Variants in SIK2 observed in about 807,000 individuals in gnomAD.
SIK2 encodes salt inducible kinase 2.
A neutral mutation model predicts 103.2 loss-of-function variants in SIK2; 29 were observed. The observed-to-expected ratio is 0.28, with a 90% CI of 0.21 to 0.38. The LOEUF is 0.38. Ranked by LOEUF, SIK2 falls within the 10% of genes least tolerant of loss-of-function variation. The pLI, the probability that SIK2 is intolerant of heterozygous loss-of-function variation, is 1.00. For missense variants in SIK2, 879 were observed against 1,171.0 expected (o/e 0.75, Z 3.64); for synonymous variants, 412 against 446.1 (o/e 0.92, Z 0.96).
At chr11:111,630,497 CAA>C (rs143449475) in intron 3 of SIK2, among the ~76,000 whole-genome samples, 26 of 143,802 alleles carry the variant, frequency 1.8e-4, no homozygotes, top group African/African-American at 6.3e-4. Flanking sequence ...TTGTCTCTCT[CAA>C]AAAAAAAAGG....
At chr11:111,685,922 A>G (rs1190528087) in intron 3 of SIK2, among the ~76,000 whole-genome samples, 4 of 152,220 alleles carry the variant, frequency 2.6e-5, no homozygotes, top group East Asian at 3.8e-4. Flanking sequence ...GATGCTTAAT[A>G]TAATAAAAAA....
At chr11:111,695,912 G>T (rs768194625) in intron 4 of SIK2, among the ~76,000 whole-genome samples, 1 of 152,186 alleles carries the variant, frequency 6.6e-6, no homozygotes, top group Admixed American at 6.5e-5. Context: ...ATTTAGTGAT[G>T]ACAGTGATAA....
At chr11:111,691,453 T>C (rs1942939962) in intron 4 of SIK2, among the ~76,000 whole-genome samples, 1 of 152,118 alleles carries the variant, frequency 6.6e-6, no homozygotes, top group Non-Finnish European at 1.5e-5. Context: ...ATTAAAAAAT[T>C]GGCCGAGCTG....
chr11:111,717,919 G>T (rs563934880), intron 9 of SIK2, among the ~76,000 whole-genome samples: 4 of 152,114 alleles, frequency 2.6e-5, no homozygotes, highest in East Asian at 3.8e-4. Flanking sequence ...GGCCTGTTAG[G>T]GGGGCAATGG....
intron 8 of SIK2, among the ~76,000 whole-genome samples, chr11:111,711,527 G>T (rs1591638029): frequency 1.3e-5 from 2 of 152,200 alleles, no homozygotes; most frequent in Admixed American, 1.3e-4. Context: ...TCTATAGTGG[G>T]TTGACTTCAA....
chr11:111,654,861 G>A (rs911135972), intron 3 of SIK2, among the ~76,000 whole-genome samples: 2 of 152,150 alleles, frequency 1.3e-5, no homozygotes, highest in East Asian at 1.9e-4. Context: ...TGGAGAATGT[G>A]ACTATGTTTT....
At position 111,721,847 on chromosome 11, in the gene SIK2, G is replaced by A. The variant is rs1943811431; in HGVS notation, c.1962G>A (p.Gln654=). ...CTCCTCAGGAAGAAGTTTCTCAGCA[G>A]CAGGAAAGCGTCTCCACTCTCCCTG... The part of the protein sequence containing the change: ...SSCPQEEVSQ[Q]QESVSTLPAS... Residue 654 remains glutamine (Q), a synonymous_variant, in exon 13 of 15, where the codon CAG becomes CAA. Transcript: ENST00000304987. 2 of 1,608,550 alleles carry A rather than the reference G, an allele frequency of 1.2e-6. No individual in the cohort carries two copies. The highest frequency in any genetic ancestry group is 2.2e-5 in the South Asian group (2 of 90,270).
intron 4 of SIK2, among the ~76,000 whole-genome samples, chr11:111,691,542 C>T (rs1391382678): frequency 6.6e-6 from 1 of 152,258 alleles, no homozygotes; most frequent in African/African-American, 2.4e-5. Flanking sequence ...CCCACTACAC[C>T]ATTTTGTCAT....
intron 3 of SIK2, among the ~76,000 whole-genome samples, chr11:111,647,367 A>C (rs545538206): frequency 2.0e-5 from 3 of 152,298 alleles, no homozygotes; most frequent in South Asian, 2.1e-4. Flanking sequence ...ATCATCAATC[A>C]GATTTTTTTA....
intron 3 of SIK2, among the ~76,000 whole-genome samples, chr11:111,651,987 T>C (rs1942332902): frequency 6.6e-6 from 1 of 152,206 alleles, no homozygotes; most frequent in African/African-American, 2.4e-5. Flanking sequence ...AAGGAGTCAA[T>C]TCTTTGTACA....
rs528516218 is a variant in SIK2, at chr11:111,718,056, G to A, written c.1267-1719G>A. Among the ~76,000 whole-genome samples, 174 of 152,024 alleles carry A rather than the reference G, an allele frequency of 1.1e-3. 1 individual carries two copies. The highest frequency in any genetic ancestry group is 3.8e-3 in the African/African-American group (159 of 41,482). ...TAACAAACCTGCACATCCTGCACACGTACCCTGGAACTTAAAAATTGAAGA... is the reference window on the plus strand; with the variant it reads ...TAACAAACCTGCACATCCTGCACACATACCCTGGAACTTAAAAATTGAAGA... On this transcript the variant is annotated intron_variant, in intron 9 of 14. Coordinates refer to ENST00000304987, the MANE Select transcript of SIK2 (RefSeq NM_015191.3).
At chr11:111,614,711 T>C (rs1197095740) in intron 1 of SIK2, among the ~76,000 whole-genome samples, 2 of 152,158 alleles carry the variant, frequency 1.3e-5, no homozygotes, top group Non-Finnish European at 2.9e-5. Flanking sequence ...TTAAATCCCA[T>C]GTTGTTCAGG....
In SIK2 at chr11:111,705,256, A is replaced by G; in HGVS notation, c.1101+117A>G. On this transcript the variant is annotated intron_variant, in intron 8 of 14. Coordinates refer to ENST00000304987, the MANE Select transcript of SIK2 (RefSeq NM_015191.3). This position sits in a 1 kb window ranked among gnomAD's most constrained non-coding sequence, Gnocchi z 4.3. Reference sequence around the variant, plus strand: ...ATCCTCTACACTCCGTTTTTCTGTAAAATTTCTGCCTGCCATTCACTAGAT... The same window carrying G: ...ATCCTCTACACTCCGTTTTTCTGTAGAATTTCTGCCTGCCATTCACTAGAT... 2 of 1,122,708 alleles carry G rather than the reference A, an allele frequency of 1.8e-6. No individual in the cohort carries two copies. Among genetic ancestry groups the G allele is most frequent in the Non-Finnish European group, 2.3e-6 (2 of 858,726 alleles). 69.5% of individuals were successfully genotyped at this position (1,122,708 alleles called of 1,614,324 possible).
rs1942883606 is a variant in SIK2 at position 111,688,785 on chromosome 11, G to C, written c.478+623G>C. On this transcript the variant is annotated intron_variant, in intron 4 of 14. Coordinates refer to ENST00000304987, the MANE Select transcript of SIK2 (RefSeq NM_015191.3). This position sits in a 1 kb window ranked among gnomAD's most constrained non-coding sequence, Gnocchi z 4.2. ...TCATTCACTCAATAAATATGTATCAGGTACTGTGCTATGTTAAGTACAATA... is the reference window on the plus strand; with the variant it reads ...TCATTCACTCAATAAATATGTATCACGTACTGTGCTATGTTAAGTACAATA... Among the ~76,000 whole-genome samples, 1 of 151,940 alleles carries C rather than the reference G, an allele frequency of 6.6e-6. No individual in the cohort carries two copies. The highest frequency in any genetic ancestry group is 1.5e-5 in the Non-Finnish European group (1 of 68,010).
At chr11:111,719,092 A>G (rs957915367) in intron 9 of SIK2, among the ~76,000 whole-genome samples, 2 of 152,184 alleles carry the variant, frequency 1.3e-5, no homozygotes, top group African/African-American at 4.8e-5. Flanking sequence ...GGGGCTTATT[A>G]GCCTCTGCTG....
At chr11:111,706,858 G>C (rs1943362198) in intron 8 of SIK2, among the ~76,000 whole-genome samples, 1 of 151,324 alleles carries the variant, frequency 6.6e-6, no homozygotes, top group Admixed American at 6.6e-5. Context: ...TACTTGGGAG[G>C]CTGAGGCAGG....
At chr11:111,720,824 T>C in intron 11 of SIK2, 62 bp downstream of exon 11, 4 of 1,577,152 alleles carry the variant, frequency 2.5e-6, no homozygotes, top group Admixed American at 1.8e-5. Context: ...TCTTGCCATG[T>C]TGGTGTGGTC....
chr11:111,620,504 TA>T, intron 3 of SIK2, 102 bp downstream of exon 3: 1 of 712,530 alleles, frequency 1.4e-6, no homozygotes, highest in Non-Finnish European at 2.4e-6. Flanking sequence ...GTGTTGGTAA[TA>T]TAAGTGAAAA....
intron 1 of SIK2, among the ~76,000 whole-genome samples, chr11:111,612,527 GTCA>G (rs1837291076): frequency 6.6e-6 from 1 of 152,054 alleles, no homozygotes; most frequent in African/African-American, 2.4e-5. Flanking sequence ...TTTAGGTGTG[GTCA>G]TATGCGGAGT....
Sources: allele counts gnomAD v4.1 joint callset (sites outside exome capture counted in the v4.1 genomes callset), GRCh38; gene constraint gnomAD v4.1.1; non-coding constraint Gnocchi (gnomAD v3.1); transcripts MANE v1.5; gene names NCBI Gene and HGNC (gene_info 2026-07-23, HGNC 2026-07-21).